Variants in RUBCNL observed in about 807,000 individuals in gnomAD.
RUBCNL encodes the protein protein associated with UVRAG as autophagy enhancer.
RUBCNL carries 62 observed loss-of-function variants against 69.5 expected under a neutral mutation model. The ratio of observed to expected loss-of-function variants is 0.89; its 90% CI spans 0.73 to 1.10. The LOEUF (loss-of-function observed/expected upper bound fraction) is 1.10. RUBCNL is among the 50% of genes least tolerant of loss of function. The pLI, the probability that RUBCNL is intolerant of heterozygous loss-of-function variation, is 0.00. For synonymous variants in RUBCNL, 291 were observed against 303.6 expected (o/e 0.96, Z 0.43); for missense variants, 768 against 798.1 (o/e 0.96, Z 0.45).
At position 46,383,930 on chromosome 13, in the gene RUBCNL, T is replaced by G. The variant is rs190356996; in HGVS notation, c.-239+3204A>C. Among the ~76,000 whole-genome samples, 4 of 152,328 alleles carry G rather than the reference T, an allele frequency of 2.6e-5. No homozygotes were observed. The East Asian group carries it at 7.7e-4, about 29-fold the overall frequency. On this transcript the variant is annotated intron_variant, in intron 1 of 14. Transcript: ENST00000429979. The stretch of plus-strand genomic sequence containing the variant: ...GGCTAAACTAATTTAGCCCTAATTC[T>G]ACAAGCACAGCGGTGAACAGAAGAT...
chr13:46,353,023 C>T (rs995944247), intron 10 of RUBCNL, among the ~76,000 whole-genome samples: 11 of 152,098 alleles, frequency 7.2e-5, no homozygotes, highest in South Asian at 4.1e-4. Flanking sequence ...CAGGGCCACA[C>T]GAACAGTATG....
chr13:46,337,219 C>T lies in RUBCNL; in HGVS notation c.*6166G>A, dbSNP rs1374587153. On this transcript the variant is annotated 3_prime_UTR_variant, in exon 15 of 15. Coordinates refer to ENST00000429979, the MANE Select transcript of RUBCNL (RefSeq NM_025113.5). ...GTACAGTGGCGTGATCTCAGCTCAC[C>T]GCAACCTTCAACTCCCTGGTTCAAG... 5.9e-5 allele frequency among the ~76,000 whole-genome samples: 9 copies of T among 152,016 alleles called. No homozygotes were observed. The highest frequency in any genetic ancestry group is 2.6e-4 in the Admixed American group (4 of 15,266).
rs987522825 is a variant in RUBCNL, at chr13:46,340,763, C to CAG, written c.*2620_*2621dup. On this transcript the variant is annotated 3_prime_UTR_variant, in exon 15 of 15. Transcript: ENST00000429979. ...GGAAACAGAGGAGGCAAAGAGAGGG[C>CAG]AGGGAGGTGCCAGGCTTCATAACAA... 8.5e-5 allele frequency among the ~76,000 whole-genome samples: 13 copies of CAG among 152,126 alleles called. No individual in the cohort carries two copies. Among genetic ancestry groups the CAG allele is most frequent in the African/African-American group, 3.1e-4 (13 of 41,420 alleles).
At chr13:46,385,674 A>C (rs900108195) in intron 1 of RUBCNL, among the ~76,000 whole-genome samples, 20 of 151,986 alleles carry the variant, frequency 1.3e-4, no homozygotes, top group Admixed American at 3.9e-4. Context: ...TGCAAAAAAA[A>C]AAAAAAACCA....
At position 46,357,585 on chromosome 13, in the gene RUBCNL, A is replaced by ATCATTTCT. The variant is rs1333146293; in HGVS notation, c.1266-1097_1266-1090dup. 2.6e-5 allele frequency among the ~76,000 whole-genome samples: 4 copies of ATCATTTCT among 152,108 alleles called. No homozygotes were observed. The East Asian group carries it at 7.8e-4, about 30-fold the overall frequency. On this transcript the variant is annotated intron_variant, in intron 9 of 14. Coordinates refer to ENST00000429979, the MANE Select transcript of RUBCNL (RefSeq NM_025113.5). Reference sequence around the variant, plus strand: ...AGGTAACGTAAGACAAAGAAATCAAATCATTTCTGGTAAGAGATATTCCAT... The same window carrying ATCATTTCT: ...AGGTAACGTAAGACAAAGAAATCAAATCATTTCTTCATTTCTGGTAAGAGATATTCCAT...
At chr13:46,384,412 T>C (rs2049189539) in intron 1 of RUBCNL, among the ~76,000 whole-genome samples, 1 of 152,202 alleles carries the variant, frequency 6.6e-6, no homozygotes, top group Non-Finnish European at 1.5e-5. Flanking sequence ...ATAAGAATAA[T>C]ACAATACCTT....
rs561786291 is a variant in RUBCNL, at chr13:46,386,039, T to C, written c.-239+1095A>G. Among the ~76,000 whole-genome samples the C allele has an allele frequency of 8.5e-4, 129 of 152,286 alleles. 1 individual carries two copies. The highest frequency in any genetic ancestry group is 3.1e-3 in the Admixed American group (47 of 15,294). On this transcript the variant is annotated intron_variant, in intron 1 of 14. Transcript: ENST00000429979. ...AATCACGAAAACCCCAGCACTGCCA[T>C]AAAGATGCTGTCTTAACTCGGCTCC...
Position 46,356,347 on chromosome 13 carries a change from C to T in RUBCNL, c.1330+85G>A. ...TAACAACTTCTCATCAAAGGCATCT[C>T]TCACACAAGCAATGCGCTGCCCTAC... is the stretch of plus-strand genomic sequence containing the variant. On this transcript the variant is annotated intron_variant, in intron 10 of 14. Coordinates refer to ENST00000429979, the MANE Select transcript of RUBCNL (RefSeq NM_025113.5). The T allele has an allele frequency of 6.0e-6, 8 of 1,334,146 alleles. No homozygotes were observed. The South Asian group carries it at 7.8e-5, about 13-fold the overall frequency. 82.6% of individuals were successfully genotyped at this position (1,334,146 alleles called of 1,614,324 possible).
intron 2 of RUBCNL, among the ~76,000 whole-genome samples, chr13:46,373,877 C>A (rs576591859): frequency 6.6e-6 from 1 of 152,378 alleles, no homozygotes; most frequent in Admixed American, 6.5e-5. Context: ...GGCACTGCAA[C>A]CTGATACATC....
chr13:46,379,365 C>T (rs545885019), intron 1 of RUBCNL, among the ~76,000 whole-genome samples: 1 of 152,310 alleles, frequency 6.6e-6, no homozygotes, highest in African/African-American at 2.4e-5. Context: ...TATGAGCCAC[C>T]GCAGGCGGCC....
At chr13:46,385,681 A>AT (rs2049225182) in intron 1 of RUBCNL, among the ~76,000 whole-genome samples, 1 of 151,476 alleles carries the variant, frequency 6.6e-6, no homozygotes, top group Non-Finnish European at 1.5e-5. Flanking sequence ...AAAAAAAAAA[A>AT]CCAACAAACG....
chr13:46,359,195 C>T (rs2048556149), intron 9 of RUBCNL, among the ~76,000 whole-genome samples: 1 of 151,368 alleles, frequency 6.6e-6, no homozygotes, highest in Non-Finnish European at 1.5e-5. Context: ...TTTAAAAATC[C>T]CCTTTAAGCC....
chr13:46,368,727 A>T lies in RUBCNL; in HGVS notation c.618+6T>A. On this transcript the variant is annotated splice_donor_region_variant and intron_variant, in intron 4 of 14. Transcript: ENST00000429979. The stretch of plus-strand genomic sequence containing the variant: ...TATGGTTAAAAAGAAAGAAGATAGC[A>T]TTCACCTTTTCTACATCAACAGGCA... 1 of 1,608,624 alleles carries T rather than the reference A, an allele frequency of 6.2e-7. No individual in the cohort carries two copies. The highest frequency in any genetic ancestry group is 1.3e-5 in the African/African-American group (1 of 74,860).
At position 46,340,973 on chromosome 13, in the gene RUBCNL, C is replaced by G. The variant is rs2048137926; in HGVS notation, c.*2412G>C. Among the ~76,000 whole-genome samples, 1 of 152,162 alleles carries G rather than the reference C, an allele frequency of 6.6e-6. No individual in the cohort carries two copies. Among genetic ancestry groups the G allele is most frequent in the African/African-American group, 2.4e-5 (1 of 41,434 alleles). On this transcript the variant is annotated 3_prime_UTR_variant, in exon 15 of 15. Transcript: ENST00000429979. Reference sequence around the variant, plus strand: ...CAAGCCAAACTAGAGCACCAAGTCACCATGGGTAGGTAGAAAGTGGCATAT... The same window carrying G: ...CAAGCCAAACTAGAGCACCAAGTCAGCATGGGTAGGTAGAAAGTGGCATAT...
At chr13:46,369,777 T>C (rs1030850271) in intron 3 of RUBCNL, among the ~76,000 whole-genome samples, 5 of 152,216 alleles carry the variant, frequency 3.3e-5, no homozygotes, top group African/African-American at 4.8e-5. Context: ...CCTGCTAAAT[T>C]AGAACAAAAT....
chr13:46,380,951 A>G (rs1202803952), intron 1 of RUBCNL, among the ~76,000 whole-genome samples: 8 of 152,228 alleles, frequency 5.3e-5, no homozygotes, highest in African/African-American at 1.9e-4. Flanking sequence ...ATATTAATAC[A>G]GAAATTTACC....
intron 5 of RUBCNL, 82 bp downstream of exon 5, chr13:46,367,960 T>A: frequency 7.7e-7 from 1 of 1,295,196 alleles, no homozygotes. Context: ...TTGGAATATA[T>A]GCCCCGTGGA....
chr13:46,381,630 T>A (rs1185895590), intron 1 of RUBCNL, among the ~76,000 whole-genome samples: 1 of 152,210 alleles, frequency 6.6e-6, no homozygotes, highest in Non-Finnish European at 1.5e-5. Flanking sequence ...TTGCCCAGGC[T>A]GGAGCGTAAT....
At chr13:46,381,320 G>A (rs951533215) in intron 1 of RUBCNL, among the ~76,000 whole-genome samples, 1 of 152,110 alleles carries the variant, frequency 6.6e-6, no homozygotes, top group African/African-American at 2.4e-5. Context: ...TGACATGGAT[G>A]AGCACTGAAA....
Sources: allele counts gnomAD v4.1 joint callset (sites outside exome capture counted in the v4.1 genomes callset), GRCh38; gene constraint gnomAD v4.1.1; transcripts MANE v1.5; gene names NCBI Gene and HGNC (gene_info 2026-07-23, HGNC 2026-07-21).